ANAPC4: variants seen among roughly 807,000 people sequenced by gnomAD.
ANAPC4 encodes anaphase promoting complex subunit 4, also known as anaphase-promoting complex subunit 4.
Under a neutral mutation model 119.8 loss-of-function variants are expected in ANAPC4, and 63 were observed. The ratio of observed to expected loss-of-function variants is 0.53; its 90% confidence interval spans 0.43 to 0.65. The LOEUF (loss-of-function observed/expected upper bound fraction) is 0.65, where lower values mean the gene tolerates loss of function less well. ANAPC4 is among the 30% of genes least tolerant of loss of function. The pLI is 0.00. For synonymous variants in ANAPC4, 283 were observed against 318.6 expected, an observed-to-expected ratio of 0.89 and a Z score of 1.19; for missense variants, 716 against 945.1, an observed-to-expected ratio of 0.76 and a Z score of 3.18.
At position 25,414,454 on chromosome 4, in the gene ANAPC4, C is replaced by G. The variant is rs190809919; in HGVS notation, c.1686-12C>G. ...TTAAATTTTTCTCATTTCTTTTTCC[C>G]TTTTATTTTAGTGAGGATTCTACAC... On this transcript the variant is annotated splice_polypyrimidine_tract_variant and intron_variant, in intron 23 of 28. Coordinates refer to ENST00000315368, the MANE Select transcript of ANAPC4 (RefSeq NM_013367.3). 3.9e-4 allele frequency: 621 copies of G among 1,599,788 alleles called. 1 individual carries two copies. Among genetic ancestry groups the G allele is most frequent in the Admixed American group, 1.9e-3 (111 of 59,012 alleles).
At chr4:25,401,386 C>T (rs144818132) in intron 16 of ANAPC4, among the ~76,000 whole-genome samples, 9 of 152,316 alleles carry the variant, frequency 5.9e-5, no homozygotes, top group African/African-American at 2.2e-4. Flanking sequence ...CCACTTTACT[C>T]AGTTTCTCTG....
intron 16 of ANAPC4, among the ~76,000 whole-genome samples, chr4:25,398,410 A>G (rs73098473): frequency 0.051 from 7,760 of 152,084 alleles, 682 homozygotes; most frequent in African/African-American, 0.17. Context: ...AGCCCTGTTG[A>G]TATTTGGGGG....
chr4:25,414,469 G>A lies in ANAPC4; in HGVS notation c.1689G>A (p.Glu563=). The change falls in exon 24 of 29, where the codon GAG becomes GAA. Residue 563 remains glutamate (E), a synonymous_variant. Coordinates refer to ENST00000315368, the MANE Select transcript of ANAPC4 (RefSeq NM_013367.3). ...TTCTTTTTCCCTTTTATTTTAGTGAGGATTCTACACGTAGATTGTTCAAAT... is the reference window on the plus strand; with the variant it reads ...TTCTTTTTCCCTTTTATTTTAGTGAAGATTCTACACGTAGATTGTTCAAAT... ...CIPLYRDTRS[E]DSTRRLFKFP... is the part of the protein sequence containing the mutation. 1.2e-6 allele frequency: 2 copies of A among 1,600,746 alleles called. No homozygotes were observed. Among genetic ancestry groups the A allele is most frequent in the South Asian group, 2.2e-5 (2 of 89,928 alleles).
intron 3 of ANAPC4, among the ~76,000 whole-genome samples, chr4:25,381,561 C>T (rs1037462919): frequency 4.6e-5 from 7 of 152,192 alleles, no homozygotes; most frequent in African/African-American, 1.7e-4. Flanking sequence ...ATTCGCCTAC[C>T]TTGGCCTACT....
intron 26 of ANAPC4, 114 bp from the exon 27 acceptor site, chr4:25,416,311 G>A (rs1233788867): frequency 1.8e-6 from 1 of 548,896 alleles, no homozygotes; most frequent in East Asian, 3.0e-5. Flanking sequence ...TTATTGTACA[G>A]AATGTCACTT....
chr4:25,417,967 A>T (rs945266824), intron 28 of ANAPC4, 188 bp from the exon 29 acceptor site: 1 of 838,384 alleles, frequency 1.2e-6, no homozygotes, highest in African/African-American at 1.7e-5. Flanking sequence ...ATCTCACGAA[A>T]TTGCCACTGT....
chr4:25,386,448 G>A (rs183795990), intron 4 of ANAPC4, among the ~76,000 whole-genome samples: 30 of 151,970 alleles, frequency 2.0e-4, no homozygotes, highest in African/African-American at 5.3e-4. Context: ...CCTCTCAAGT[G>A]ATTTGCCCTC....
Position 25,396,760 on chromosome 4 carries a change from C to T in ANAPC4, c.1158C>T (p.Ile386=), listed in dbSNP as rs569584030. 8.1e-6 allele frequency: 13 copies of T among 1,612,590 alleles called. No homozygotes were observed. The highest frequency in any genetic ancestry group is 2.2e-5 in the South Asian group (2 of 90,860). ...YEPLGLDAAG[I]EEAITAVGSF... ...CTCTTGGACTAGATGCTGCAGGAATCGAAGGTAGTGATTTAATTTCTCAGT... is the reference window on the plus strand; with the variant it reads ...CTCTTGGACTAGATGCTGCAGGAATTGAAGGTAGTGATTTAATTTCTCAGT... The change falls in exon 15 of 29, where the codon ATC becomes ATT. Residue 386 remains isoleucine, a synonymous_variant. Transcript: ENST00000315368.
At chr4:25,393,677 A>C in intron 10 of ANAPC4, 128 bp from the exon 11 acceptor site, 1 of 545,484 alleles carries the variant, frequency 1.8e-6, no homozygotes, top group African/African-American at 2.0e-5. Context: ...ATAAATAATA[A>C]AAATAAAACA....
chr4:25,398,575 G>A (rs1722781470), intron 16 of ANAPC4, among the ~76,000 whole-genome samples: 1 of 152,180 alleles, frequency 6.6e-6, no homozygotes, highest in African/African-American at 2.4e-5. Context: ...GAGTCTGTGG[G>A]CAGTTGTTAG....
chr4:25,407,144 TA>T, intron 19 of ANAPC4, 52 bp from the exon 20 acceptor site: 1 of 1,468,516 alleles, frequency 6.8e-7, no homozygotes. Flanking sequence ...AAATTTAAGA[TA>T]TTTTTCTTCG....
At chr4:25,394,984 C>A in intron 14 of ANAPC4, 79 bp downstream of exon 14, 1 of 1,105,014 alleles carries the variant, frequency 9.0e-7, no homozygotes, top group Non-Finnish European at 1.3e-6. Flanking sequence ...GCCTTTTCTT[C>A]ATCTGGCATT....
intron 26 of ANAPC4, 122 bp from the exon 27 acceptor site, chr4:25,416,303 A>AAG: frequency 2.0e-6 from 1 of 511,422 alleles, no homozygotes; most frequent in Non-Finnish European, 3.3e-6. Context: ...TTTAAATGTT[A>AAG]TTGTACAGAA....
chr4:25,409,857 TCTG>T, intron 21 of ANAPC4, 66 bp downstream of exon 21: 1 of 1,124,154 alleles, frequency 8.9e-7, no homozygotes, highest in Non-Finnish European at 1.3e-6. Context: ...CTTGAATAGT[TCTG>T]CTAACAGTTT....
In ANAPC4 at chr4:25,414,334, GA is replaced by G; in HGVS notation, c.1638del (p.Lys546AsnfsTer3). The part of the protein sequence containing the change: ...QCLQKPADVI[G>X]KSMNQAICIP... ...TCTTATTTTATATAGGATGTAATTG[GA>G]AAATCGATGAATCAAGCAATCTGTA... On this transcript the variant is annotated frameshift_variant, in exon 23 of 29. Transcript: ENST00000315368. LOFTEE classifies it high-confidence loss of function. 3 of 1,585,510 alleles carry G rather than the reference GA, an allele frequency of 1.9e-6. No homozygotes were observed. The highest frequency in any genetic ancestry group is 1.7e-5 in the Admixed American group (1 of 58,764).
chr4:25,407,082 G>T (rs1723292247), intron 19 of ANAPC4, 115 bp from the exon 20 acceptor site: 2 of 970,058 alleles, frequency 2.1e-6, no homozygotes, highest in Admixed American at 2.9e-5. Flanking sequence ...ATCTATAAAA[G>T]AAAATAATAA....
chr4:25,418,377 T>TC lies in ANAPC4; in HGVS notation c.2424dup (p.Ter809LeufsTer3). 6.2e-7 allele frequency: 1 copy of TC among 1,613,874 alleles called. No homozygotes were observed. The highest frequency in any genetic ancestry group is 2.2e-5 in the East Asian group (1 of 44,880). ...GGAAAAACTTGACCCTGAGCTAGAC[T>TC]CCTAATCTAGCTTGCCATTATTGTG... is the stretch of plus-strand genomic sequence containing the variant. On this transcript the variant is annotated frameshift_variant, in exon 29 of 29. Transcript: ENST00000315368. LOFTEE classifies it high-confidence loss of function.
intron 17 of ANAPC4, among the ~76,000 whole-genome samples, chr4:25,404,107 C>T (rs1041069158): frequency 6.6e-6 from 1 of 152,144 alleles, no homozygotes; most frequent in Non-Finnish European, 1.5e-5. Context: ...CTGTAATGTG[C>T]TGATATCCTT....
intron 4 of ANAPC4, among the ~76,000 whole-genome samples, chr4:25,385,035 A>G (rs145267059): frequency 1.3e-5 from 2 of 152,328 alleles, no homozygotes; most frequent in East Asian, 3.9e-4. Flanking sequence ...ATATGCTGTC[A>G]TTTAGGCTTT....
Sources: gnomAD v4.1 joint callset for allele counts (sites outside exome capture counted in the v4.1 genomes callset) on GRCh38, gnomAD v4.1.1 for gene constraint, MANE v1.5 for transcripts, NCBI Gene and HGNC (gene_info 2026-07-23, HGNC 2026-07-21) for gene names.